The following GSAP variants were observed in gnomAD, a reference collection of about 807,000 sequenced individuals.
The protein encoded by GSAP is gamma-secretase activating protein, also known as gamma-secretase-activating protein.
GSAP carries 118 observed loss-of-function variants against 131.7 expected under a neutral mutation model. The observed-to-expected ratio is 0.90, with a 90% confidence interval of 0.77 to 1.04. GSAP has a LOEUF of 1.04. GSAP is among the 50% of genes least tolerant of loss of function. The pLI, the probability that GSAP is intolerant of heterozygous loss-of-function variation, is 0.00. For synonymous variants in GSAP, 381 were observed against 363.4 expected (o/e 1.05, Z -0.55); for missense variants, 1,019 against 1,013.2 (o/e 1.01, Z -0.08).
rs373590614 is a variant in GSAP, at chr7:77,312,565, G to T, written c.2272-363C>A. On this transcript the variant is annotated intron_variant, in intron 28 of 30. Coordinates refer to ENST00000257626, the MANE Select transcript of GSAP (RefSeq NM_017439.4). ...ATATCAACTTCTCTGCCATTGTCTTGCCTAGAAAATTTTAATTCCCTAAGA... is the reference window on the plus strand; with the variant it reads ...ATATCAACTTCTCTGCCATTGTCTTTCCTAGAAAATTTTAATTCCCTAAGA... Among the ~76,000 whole-genome samples, 6 of 152,194 alleles carry T rather than the reference G, an allele frequency of 3.9e-5. No homozygotes were observed. The East Asian group carries it at 7.7e-4, about 20-fold the overall frequency.
intron 16 of GSAP, among the ~76,000 whole-genome samples, chr7:77,354,199 G>A (rs1237047728): frequency 2.6e-5 from 4 of 152,160 alleles, no homozygotes; most frequent in Non-Finnish European, 4.4e-5. Flanking sequence ...TATAAGGCAC[G>A]CCTAACCATG....
At chr7:77,397,551 C>G (rs1345649801) in intron 3 of GSAP, 136 bp from the exon 4 acceptor site, 3 of 559,530 alleles carry the variant, frequency 5.4e-6, no homozygotes, top group Non-Finnish European at 6.4e-6. Flanking sequence ...ACTAGTTTAG[C>G]TATGCTGACA....
intron 12 of GSAP, among the ~76,000 whole-genome samples, chr7:77,365,255 C>A (rs1340896931): frequency 2.6e-5 from 4 of 151,988 alleles, no homozygotes; most frequent in Admixed American, 1.3e-4. Context: ...ATTTTCAGTT[C>A]AGGGGTACAT....
intron 1 of GSAP, among the ~76,000 whole-genome samples, chr7:77,414,657 C>T (rs966599090): frequency 1.1e-4 from 17 of 152,218 alleles, no homozygotes; most frequent in African/African-American, 4.1e-4. Flanking sequence ...TTTTCAAGCA[C>T]GACACACATT....
intron 13 of GSAP, among the ~76,000 whole-genome samples, chr7:77,361,806 T>G (rs1794553617): frequency 6.6e-6 from 1 of 152,180 alleles, no homozygotes; most frequent in African/African-American, 2.4e-5. Flanking sequence ...AGAAATTAGT[T>G]AGGCATTTGA....
chr7:77,378,526 AAAAC>A (rs1394760145), intron 8 of GSAP, among the ~76,000 whole-genome samples: 1 of 150,390 alleles, frequency 6.6e-6, no homozygotes, highest in Non-Finnish European at 1.5e-5. Context: ...ACAACAAAAA[AAAAC>A]AAAGGCAGAA....
chr7:77,311,872 T>C lies in GSAP; in HGVS notation c.2442A>G (p.Glu814=). ...TGGAGGACTCTATATCTGTCAGAAT[T>C]TCAATGAAGTAGTTCAGAGGCAGAA... is the stretch of plus-strand genomic sequence containing the variant. The part of the protein sequence containing the change: ...VEFLPLNYFI[E]ILTDIESSNQ... The change falls in exon 30 of 31, where the codon GAA becomes GAG. Residue 814 remains glutamate (E), a synonymous_variant. Coordinates refer to ENST00000257626, the MANE Select transcript of GSAP (RefSeq NM_017439.4). 1 of 1,585,456 alleles carries C rather than the reference T, an allele frequency of 6.3e-7. No individual in the cohort carries two copies. Among genetic ancestry groups the C allele is most frequent in the Non-Finnish European group, 8.7e-7 (1 of 1,153,934 alleles).
chr7:77,318,193 C>G (rs1233198596), intron 26 of GSAP, among the ~76,000 whole-genome samples: 1 of 152,160 alleles, frequency 6.6e-6, no homozygotes, highest in African/African-American at 2.4e-5. Context: ...TGACTTTAGG[C>G]AAATTACTCA....
chr7:77,313,432 T>C (rs1255172207), intron 28 of GSAP, 56 bp downstream of exon 28: 2 of 863,230 alleles, frequency 2.3e-6, no homozygotes, highest in African/African-American at 1.7e-5. Context: ...CAAGAAGAAA[T>C]TGAAGGAGGG....
At chr7:77,388,516 G>A (rs1006011039) in intron 5 of GSAP, among the ~76,000 whole-genome samples, 4 of 152,056 alleles carry the variant, frequency 2.6e-5, no homozygotes, top group African/African-American at 4.8e-5. Context: ...AGGCTTCCCC[G>A]CATGGAGTTA....
chr7:77,355,736 T>C, intron 14 of GSAP, 89 bp from the exon 15 acceptor site: 1 of 741,022 alleles, frequency 1.3e-6, no homozygotes, highest in Non-Finnish European at 2.3e-6. Flanking sequence ...TCTCTGAATA[T>C]CTCAAAAGGC....
intron 5 of GSAP, among the ~76,000 whole-genome samples, chr7:77,392,103 C>T (rs979926768): frequency 6.6e-5 from 10 of 151,818 alleles, no homozygotes; most frequent in South Asian, 2.1e-4. Flanking sequence ...TGGATGCCTG[C>T]GGTGCTGGCT....
chr7:77,359,264 GCA>G (rs1237592131), intron 14 of GSAP, among the ~76,000 whole-genome samples: 1 of 151,946 alleles, frequency 6.6e-6, no homozygotes, highest in Non-Finnish European at 1.5e-5. Context: ...GTAAGCCTAA[GCA>G]CAGAGCTCAC....
chr7:77,317,476 T>C (rs1290619344), intron 26 of GSAP, among the ~76,000 whole-genome samples: 2 of 152,296 alleles, frequency 1.3e-5, no homozygotes, highest in South Asian at 2.1e-4. Context: ...TGTATACCTA[T>C]GTTACAAACC....
chr7:77,355,293 TGTTCTGC>T lies in GSAP; in HGVS notation c.1251_1257del (p.Gln418LeufsTer3), dbSNP rs770434696. On this transcript the variant is annotated frameshift_variant, in exon 16 of 31. Transcript: ENST00000257626. LOFTEE classifies it high-confidence loss of function. ...GCCATCTTCTCACAGTCTAAGCAAGTGTTCTGCAGAAGCTGTAATAAAGACGACTGGC... is the reference window on the plus strand; with the variant it reads ...GCCATCTTCTCACAGTCTAAGCAAGTAGAAGCTGTAATAAAGACGACTGGC... 1 of 1,614,070 alleles carries T rather than the reference TGTTCTGC, an allele frequency of 6.2e-7. No homozygotes were observed. Among genetic ancestry groups the T allele is most frequent in the Admixed American group, 1.7e-5 (1 of 60,018 alleles).
At position 77,358,171 on chromosome 7, in the gene GSAP, T is replaced by C. The variant is rs1049801903; in HGVS notation, c.1028-2524A>G. ...GCCTGGGCAGCATGACAAAACCCCA[T>C]CTCTACAAAAAATATAAAAAATTAG... On this transcript the variant is annotated intron_variant, in intron 14 of 30. Transcript: ENST00000257626. Among the ~76,000 whole-genome samples the C allele has an allele frequency of 2.0e-5, 3 of 151,994 alleles. No homozygotes were observed. In the South Asian group the frequency reaches 6.2e-4, roughly 32 times the overall value.
chr7:77,348,635 T>C (rs1792264167), intron 19 of GSAP, among the ~76,000 whole-genome samples: 1 of 152,214 alleles, frequency 6.6e-6, no homozygotes, highest in Non-Finnish European at 1.5e-5. Context: ...CAATGCTAAA[T>C]GCCAAAAACA....
At chr7:77,373,924 G>T in intron 12 of GSAP, 146 bp downstream of exon 12, 1 of 621,986 alleles carries the variant, frequency 1.6e-6, no homozygotes, top group Non-Finnish European at 2.9e-6. Context: ...AATTAATGAA[G>T]ATTTGATACA....
At chr7:77,326,132 T>G in intron 23 of GSAP, 80 bp downstream of exon 23, 5 of 893,774 alleles carry the variant, frequency 5.6e-6, no homozygotes, top group Non-Finnish European at 8.8e-6. Context: ...AAGATCAGAA[T>G]GAGAAGCCCA....
Sources: gnomAD v4.1 joint callset for allele counts (sites outside exome capture counted in the v4.1 genomes callset) on GRCh38, gnomAD v4.1.1 for gene constraint, MANE v1.5 for transcripts, NCBI Gene and HGNC (gene_info 2026-07-23, HGNC 2026-07-21) for gene names.